The following CDON variants were observed in gnomAD, a reference collection of about 807,000 sequenced individuals.
CDON encodes the protein cell adhesion molecule-related/down-regulated by oncogenes.
CDON carries 73 observed loss-of-function variants against 120.9 expected under a neutral mutation model. The ratio of observed to expected loss-of-function variants is 0.60; its 90% confidence interval spans 0.50 to 0.73. The LOEUF is 0.73. Ranked by LOEUF, CDON falls within the 30% of genes least tolerant of loss-of-function variation. CDON has a pLI of 0.00. For synonymous variants in CDON, 566 were observed against 573.5 expected (o/e 0.99, Z 0.19); for missense variants, 1,470 against 1,587.3 (o/e 0.93, Z 1.26).
At chr11:126,053,199 C>T (rs779860100) in intron 1 of CDON, among the ~76,000 whole-genome samples, 37 of 152,138 alleles carry the variant, frequency 2.4e-4, no homozygotes, top group Non-Finnish European at 3.8e-4. Context: ...ATAAAATGAC[C>T]CCATTTAAAA....
chr11:126,023,558 A>G, intron 1 of CDON, 21 bp from the exon 2 acceptor site: 1 of 1,026,212 alleles, frequency 9.7e-7, no homozygotes, highest in Non-Finnish European at 1.5e-6. Context: ...AAAAGGAAAG[A>G]AAATCTAAAC....
intron 1 of CDON, among the ~76,000 whole-genome samples, chr11:126,058,544 A>C (rs1346142062): frequency 5.9e-5 from 9 of 152,230 alleles, no homozygotes; most frequent in African/African-American, 2.2e-4. Context: ...AGAGGGCTAC[A>C]TGGGAGTAGG....
At chr11:126,057,125 C>A (rs930394932) in intron 1 of CDON, among the ~76,000 whole-genome samples, 2 of 152,116 alleles carry the variant, frequency 1.3e-5, no homozygotes, top group African/African-American at 4.8e-5. Context: ...GGTAATTATA[C>A]CTTCAAGTAG....
At chr11:126,050,533 A>ACACACACAC (rs1555140419) in intron 1 of CDON, among the ~76,000 whole-genome samples, 1 of 132,234 alleles carries the variant, frequency 7.6e-6, no homozygotes, top group Non-Finnish European at 1.6e-5. Flanking sequence ...CACACACACA[A>ACACACACAC]ACAAAAAAAA....
At chr11:125,981,965 ATTTTCTTTTTTTT>A (rs1233216318) in intron 16 of CDON, among the ~76,000 whole-genome samples, 3,316 of 34,342 alleles carry the variant, frequency 0.097, 186 homozygotes, top group African/African-American at 0.26. Flanking sequence ...AAGTGATTCT[ATTTTCTTTTTTTT>A]TTTTTTTTTT....
chr11:126,031,294 C>A (rs1488180551), intron 1 of CDON, among the ~76,000 whole-genome samples: 1 of 152,192 alleles, frequency 6.6e-6, no homozygotes, highest in Non-Finnish European at 1.5e-5. Context: ...ACAGACTCGT[C>A]TAACATGGGA....
At chr11:126,008,613 C>CTA (rs1947197528) in intron 8 of CDON, among the ~76,000 whole-genome samples, 1 of 152,114 alleles carries the variant, frequency 6.6e-6, no homozygotes, top group Non-Finnish European at 1.5e-5. Flanking sequence ...AGCCATAAAA[C>CTA]TATGACATCT....
chr11:126,019,971 C>T (rs985223846), intron 3 of CDON, among the ~76,000 whole-genome samples: 3 of 151,192 alleles, frequency 2.0e-5, no homozygotes, highest in Non-Finnish European at 4.4e-5. Flanking sequence ...CGCTTGAGCC[C>T]AGGAGGTTCA....
intron 1 of CDON, among the ~76,000 whole-genome samples, chr11:126,047,292 T>A (rs564621287): frequency 6.6e-6 from 1 of 152,156 alleles, no homozygotes; most frequent in Non-Finnish European, 1.5e-5. Context: ...ATCAAGATGG[T>A]GTTCAGTTGC....
intron 1 of CDON, among the ~76,000 whole-genome samples, chr11:126,045,749 T>A (rs1948390579): frequency 6.6e-6 from 1 of 152,172 alleles, no homozygotes; most frequent in Non-Finnish European, 1.5e-5. Context: ...GGTGGGCAGA[T>A]CACCTGAGGC....
Position 126,021,357 on chromosome 11 carries a change from C to T in CDON, c.240G>A (p.Gly80=), listed in dbSNP as rs571610195. The T allele has an allele frequency of 6.2e-7, 1 of 1,614,100 alleles. No homozygotes were observed. The highest frequency in any genetic ancestry group is 8.5e-7 in the Non-Finnish European group (1 of 1,179,982). ...GNLEHVKIHQ[G]TLTILSLNSS... ...AGTTGAGAGAAAGAATTGTCAGAGT[C>T]CCCTGATGAATCTTAACATGTTCCA... Residue 80 remains glycine (G), a synonymous_variant, in exon 3 of 20, where the codon GGG becomes GGA. Coordinates refer to ENST00000531738, the MANE Select transcript of CDON (RefSeq NM_001378964.1).
At chr11:126,027,993 T>C (rs1409754650) in intron 1 of CDON, among the ~76,000 whole-genome samples, 4 of 150,762 alleles carry the variant, frequency 2.7e-5, no homozygotes, top group Middle Eastern at 3.4e-3. Context: ...TTTTTTACTT[T>C]AGGGTTACTT....
chr11:126,003,207 G>A (rs7104745), intron 10 of CDON, among the ~76,000 whole-genome samples: 85,305 of 152,012 alleles, frequency 0.56, 24,278 homozygotes, highest in East Asian at 0.82. Context: ...AGTTTTGTCT[G>A]TTTTGCTTCT....
At chr11:125,963,668 G>C (rs753043422) in intron 18 of CDON, among the ~76,000 whole-genome samples, 42 of 152,236 alleles carry the variant, frequency 2.8e-4, no homozygotes, top group Non-Finnish European at 6.0e-4. Flanking sequence ...TTCAAATAGA[G>C]AAATATACTC....
At chr11:126,035,992 A>G (rs1591413486) in intron 1 of CDON, among the ~76,000 whole-genome samples, 1 of 152,328 alleles carries the variant, frequency 6.6e-6, no homozygotes, top group East Asian at 1.9e-4. Flanking sequence ...GTAACACAAC[A>G]CTGGCAGGAT....
intron 8 of CDON, among the ~76,000 whole-genome samples, chr11:126,007,094 G>C (rs979658479): frequency 1.3e-5 from 2 of 152,206 alleles, no homozygotes; most frequent in Non-Finnish European, 2.9e-5. Flanking sequence ...TTTCTCTAAA[G>C]TGCTATTAAT....
rs139149075 is a variant in CDON, at chr11:125,984,008, C to A, written c.2859G>T (p.Gly953=). Residue 953 remains glycine, a synonymous_variant, in exon 16 of 20, where the codon GGG becomes GGT. Coordinates refer to ENST00000531738, the MANE Select transcript of CDON (RefSeq NM_001378964.1). ...TGCTTCTGGCAGGGCTGGTTGCAGG[C>A]CCCACATTTCCTCCACTTCCCAAAG... ...PNSLGSGGNV[G]PATSPARSSD... is the part of the protein sequence containing the mutation. 4.6e-5 allele frequency: 75 copies of A among 1,613,874 alleles called. No individual in the cohort carries two copies. The highest frequency in any genetic ancestry group is 5.5e-5 in the Non-Finnish European group (65 of 1,179,902).
At chr11:126,024,189 T>C (rs2134712391) in intron 1 of CDON, among the ~76,000 whole-genome samples, 1 of 152,320 alleles carries the variant, frequency 6.6e-6, no homozygotes, top group South Asian at 2.1e-4. Context: ...CCAGATCACA[T>C]TCAGCTTTGA....
chr11:125,983,961 A>C lies in CDON; in HGVS notation c.2906T>G (p.Val969Gly), dbSNP rs1388796133. The C allele has an allele frequency of 6.2e-7, 1 of 1,614,168 alleles. No homozygotes were observed. The highest frequency in any genetic ancestry group is 8.5e-7 in the Non-Finnish European group (1 of 1,180,006). The part of the protein sequence containing the change: ...ARSSDMLYLI[V>G]GCVLGVMVLI... ...GACCATGACGCCCAGCACACAGCCA[A>C]CGATCAGATATAACATGTCACTGCT... is the stretch of plus-strand genomic sequence containing the variant. Residue 969 changes from valine (V) to glycine (G), a missense_variant, in exon 16 of 20, where the codon GTT becomes GGT. Transcript: ENST00000531738.
Sources: allele counts gnomAD v4.1 joint callset (sites outside exome capture counted in the v4.1 genomes callset), GRCh38; gene constraint gnomAD v4.1.1; transcripts MANE v1.5; gene names NCBI Gene and HGNC (gene_info 2026-07-23, HGNC 2026-07-21).